Variants in PCDHA1 observed in about 807,000 individuals in gnomAD.
PCDHA1 encodes the protein protocadherin alpha-1.
Under a neutral mutation model 61.3 loss-of-function variants are expected in PCDHA1, and 42 were observed. The ratio of observed to expected loss-of-function variants is 0.69; its 90% confidence interval spans 0.54 to 0.89. The LOEUF (loss-of-function observed/expected upper bound fraction) is 0.89. Among genes scored for constraint, PCDHA1 ranks in the 40% least tolerant of loss-of-function variants. The pLI, the probability that PCDHA1 is intolerant of heterozygous loss-of-function variation, is 0.00. For missense variants in PCDHA1, 1,256 were observed against 1,235.3 expected (o/e 1.02, Z -0.25); for synonymous variants, 610 against 553.8 (o/e 1.10, Z -1.43).
chr5:140,787,636 A>G lies in PCDHA1; in HGVS notation c.1346A>G (p.Asn449Ser). 6.2e-7 allele frequency: 1 copy of G among 1,614,054 alleles called. No homozygotes were observed. ...GTGTCCGTGGAGGTGGCCGACGTGA[A>G]TGACAACGCGCCTGCGTTCGCGCAG... ...ARVSVEVADV[N>S]DNAPAFAQPE... is the part of the protein sequence containing the mutation. The change falls in exon 1 of 4, where the codon AAT becomes AGT. Residue 449 changes from asparagine to serine, a missense_variant. Asn to Ser is a conservative substitution (Grantham distance 46). Transcript: ENST00000504120.
In PCDHA1 at chr5:140,981,654, ATTTCTTCCTTCC is replaced by A. The variant is rs563193906; in HGVS notation, c.2454-807_2454-796del. Among the ~76,000 whole-genome samples the A allele has an allele frequency of 1.4e-4, 22 of 152,142 alleles. No individual in the cohort carries two copies. In the East Asian group the frequency reaches 3.9e-3, roughly 27 times the overall value. On this transcript the variant is annotated intron_variant, in intron 2 of 3. Coordinates refer to ENST00000504120, the MANE Select transcript of PCDHA1 (RefSeq NM_018900.4). ...GACATTTTCTCTTAGGATCCCACTTATTTCTTCCTTCCTTTCTTCCTTCCTCCCTTCCATCAT... is the reference window on the plus strand; with the variant it reads ...GACATTTTCTCTTAGGATCCCACTTATTTCTTCCTTCCTCCCTTCCATCAT...
intron 1 of PCDHA1, among the ~76,000 whole-genome samples, chr5:140,953,052 C>T (rs2094839858): frequency 6.6e-6 from 1 of 152,206 alleles, no homozygotes; most frequent in Non-Finnish European, 1.5e-5. Flanking sequence ...ATCCAATCAC[C>T]TCTCACAGGC....
chr5:140,915,863 A>C (rs1424465325), intron 1 of PCDHA1, among the ~76,000 whole-genome samples: 1 of 152,172 alleles, frequency 6.6e-6, no homozygotes, highest in Non-Finnish European at 1.5e-5. Context: ...CCAAGTTTGC[A>C]TCCTTCCCTT....
At chr5:140,801,895 T>C (rs782383281) in intron 1 of PCDHA1, 1 of 1,614,068 alleles carries the variant, frequency 6.2e-7, no homozygotes, top group East Asian at 2.2e-5. Flanking sequence ...ATCACTGTTT[T>C]AGATGTAAAC....
intron 1 of PCDHA1, chr5:140,871,028 C>T (rs782198197): frequency 1.2e-5 from 20 of 1,613,116 alleles, no homozygotes; most frequent in Admixed American, 1.7e-5. Context: ...GCAGACTCGC[C>T]GCGCCACCGA....
chr5:141,005,701 C>CAAAAAAAA (rs59860837), intron 3 of PCDHA1, among the ~76,000 whole-genome samples: 3 of 7,792 alleles, frequency 3.9e-4, no homozygotes, highest in East Asian at 6.4e-3. Flanking sequence ...AACTCCGTCT[C>CAAAAAAAA]AAAAAAAAAA....
intron 1 of PCDHA1, among the ~76,000 whole-genome samples, chr5:140,855,674 A>G (rs1431720219): frequency 1.3e-5 from 2 of 149,852 alleles, no homozygotes; most frequent in Non-Finnish European, 3.0e-5. Context: ...CTACTCTGAG[A>G]GTCTACATTT....
intron 1 of PCDHA1, chr5:140,796,606 A>C: frequency 6.2e-7 from 1 of 1,613,620 alleles, no homozygotes; most frequent in Non-Finnish European, 8.5e-7. Flanking sequence ...TCTGGGCAGC[A>C]ACGTGACGCT....
intron 1 of PCDHA1, among the ~76,000 whole-genome samples, chr5:140,845,925 A>T (rs1435379757): frequency 6.7e-6 from 1 of 149,798 alleles, no homozygotes; most frequent in African/African-American, 2.4e-5. Context: ...ATTTTTGTGT[A>T]AAACTATCTT....
At chr5:140,968,877 T>A in intron 1 of PCDHA1, 1 of 1,614,226 alleles carries the variant, frequency 6.2e-7, no homozygotes, top group South Asian at 1.1e-5. Flanking sequence ...TACTCTGAAA[T>A]TACCCTTTAT....
intron 1 of PCDHA1, chr5:140,884,540 G>A (rs782638313): frequency 1.9e-6 from 3 of 1,613,998 alleles, no homozygotes; most frequent in South Asian, 2.2e-5. Flanking sequence ...GCGGCCGAGG[G>A]TGTGCTCTGG....
intron 1 of PCDHA1, among the ~76,000 whole-genome samples, chr5:140,798,798 T>A (rs116753814): frequency 2.0e-4 from 30 of 152,312 alleles, no homozygotes; most frequent in Non-Finnish European, 4.0e-4. Context: ...TGGAAAGAAC[T>A]TTTTTAGCTT....
intron 1 of PCDHA1, chr5:140,827,889 T>C: frequency 1.4e-6 from 1 of 707,002 alleles, no homozygotes; most frequent in South Asian, 1.9e-5. Flanking sequence ...AATTGATTTC[T>C]TACCTTTTGG....
intron 1 of PCDHA1, chr5:140,877,288 T>C (rs782747810): frequency 1.9e-6 from 3 of 1,613,908 alleles, no homozygotes; most frequent in Non-Finnish European, 2.5e-6. Context: ...CTATAACGCT[T>C]GGCTGTCCTA....
Position 140,786,672 on chromosome 5 carries a change from G to C in PCDHA1, c.382G>C (p.Asp128His). 6.2e-7 allele frequency: 1 copy of C among 1,614,246 alleles called. No individual in the cohort carries two copies. The highest frequency in any genetic ancestry group is 8.5e-7 in the Non-Finnish European group (1 of 1,180,044). Residue 128 changes from aspartate (D) to histidine (H), a missense_variant, in exon 1 of 4, where the codon GAT becomes CAT. Coordinates refer to ENST00000504120, the MANE Select transcript of PCDHA1 (RefSeq NM_018900.4). ...GGAGGTGAAGGTGAAAGACATTAACGATAATCCACCCGTCTTCAGGGGCAG... is the reference window on the plus strand; with the variant it reads ...GGAGGTGAAGGTGAAAGACATTAACCATAATCCACCCGTCTTCAGGGGCAG... ...HVEVKVKDIN[D>H]NPPVFRGREQ...
rs782371814 is a variant in PCDHA1 at position 140,882,829 on chromosome 5, G to A, written c.2394+94145G>A. On this transcript the variant is annotated intron_variant, in intron 1 of 3. Transcript: ENST00000504120. Reference sequence around the variant, plus strand: ...CTTTGGACGCACAAAACAGTCTTGAGCAAATGTCTTCATTATCACTTGTAC... The same window carrying A: ...CTTTGGACGCACAAAACAGTCTTGAACAAATGTCTTCATTATCACTTGTAC... The A allele has an allele frequency of 5.6e-6, 9 of 1,614,206 alleles. No homozygotes were observed. The South Asian group carries it at 8.8e-5, about 16-fold the overall frequency.
chr5:140,909,061 A>G (rs2074290709), intron 1 of PCDHA1, among the ~76,000 whole-genome samples: 2 of 152,188 alleles, frequency 1.3e-5, no homozygotes, highest in African/African-American at 4.8e-5. Context: ...CAAATGTCTC[A>G]CCAATAAGCC....
At chr5:140,883,416 G>A (rs782422692) in intron 1 of PCDHA1, 3 of 1,614,158 alleles carry the variant, frequency 1.9e-6, no homozygotes, top group East Asian at 2.2e-5. Context: ...GGCTCAAATG[G>A]ACAGGTCACC....
intron 1 of PCDHA1, chr5:140,929,432 T>C: frequency 1.4e-6 from 2 of 1,474,372 alleles, no homozygotes; most frequent in Non-Finnish European, 1.8e-6. Flanking sequence ...TCAATTGAAC[T>C]AAACACTCCT....
Sources: allele counts gnomAD v4.1 joint callset (sites outside exome capture counted in the v4.1 genomes callset), GRCh38; gene constraint gnomAD v4.1.1; transcripts MANE v1.5; gene names NCBI Gene and HGNC (gene_info 2026-07-23, HGNC 2026-07-21).